ERGIC1: variants seen among roughly 807,000 people sequenced by gnomAD.
The protein encoded by ERGIC1 is endoplasmic reticulum-golgi intermediate compartment 1.
In ERGIC1, 19 loss-of-function variants were observed where a neutral mutation model predicts 38.3. The ratio of observed to expected loss-of-function variants is 0.50; its 90% CI spans 0.35 to 0.73. The LOEUF is 0.73. ERGIC1 is among the 30% of genes least tolerant of loss of function. ERGIC1 has a pLI of 0.01. For synonymous variants in ERGIC1, 124 were observed against 157.6 expected, an observed-to-expected ratio of 0.79 and a Z score of 1.60; for missense variants, 294 against 389.2, an observed-to-expected ratio of 0.76 and a Z score of 2.06.
At chr5:172,839,524 A>G (rs1354279205) in intron 1 of ERGIC1, among the ~76,000 whole-genome samples, 1 of 152,016 alleles carries the variant, frequency 6.6e-6, no homozygotes, top group African/African-American at 2.4e-5. Flanking sequence ...TGTTCATGCC[A>G]TTGCATTCCA....
At chr5:172,915,531 A>G (rs1763339937) in intron 5 of ERGIC1, 1 of 467,036 alleles carries the variant, frequency 2.1e-6, no homozygotes, top group African/African-American at 2.0e-5. Flanking sequence ...CAGGAGCTTC[A>G]GATCCTAAGT....
At chr5:172,845,040 A>G (rs1015709564) in intron 1 of ERGIC1, among the ~76,000 whole-genome samples, 39 of 34,312 alleles carry the variant, frequency 1.1e-3, no homozygotes, top group Admixed American at 5.3e-3. Context: ...ACGCAGGGGT[A>G]TATAGGGGGG....
At chr5:172,907,051 C>T (rs1396665533) in intron 3 of ERGIC1, among the ~76,000 whole-genome samples, 4 of 152,216 alleles carry the variant, frequency 2.6e-5, no homozygotes, top group Admixed American at 1.3e-4. Context: ...CACCCTCCTC[C>T]GCCCAGTCCC....
intron 1 of ERGIC1, among the ~76,000 whole-genome samples, chr5:172,876,473 A>G (rs966512011): frequency 1.3e-5 from 2 of 152,224 alleles, no homozygotes; most frequent in African/African-American, 4.8e-5. Flanking sequence ...AAGGTGTCCA[A>G]CAAGGCTTGT....
chr5:172,875,425 G>A (rs1762120235), intron 1 of ERGIC1, among the ~76,000 whole-genome samples: 1 of 152,144 alleles, frequency 6.6e-6, no homozygotes, highest in African/African-American at 2.4e-5. Context: ...CCGGTGATGT[G>A]TGACCCTTTG....
At chr5:172,914,679 G>C in intron 4 of ERGIC1, 35 bp from the exon 5 acceptor site, 1 of 1,613,816 alleles carries the variant, frequency 6.2e-7, no homozygotes, top group Non-Finnish European at 8.5e-7. Flanking sequence ...CGCGTCTCTG[G>C]GTTTGTGACT....
In ERGIC1 at chr5:172,845,428, G is replaced by A. The variant is rs551757527; in HGVS notation, c.20+10995G>A. On this transcript the variant is annotated intron_variant, in intron 1 of 9. Transcript: ENST00000393784. ...AGCGGGCAGGGCTGGTCCTCTTGCC[G>A]GAGGATGCTCTGGCCAGTCCCCAGG... is the stretch of plus-strand genomic sequence containing the variant. 5.3e-5 allele frequency among the ~76,000 whole-genome samples: 8 copies of A among 152,300 alleles called. No homozygotes were observed. In the South Asian group the frequency reaches 6.2e-4, roughly 12 times the overall value.
At chr5:172,848,237 A>G (rs1372779348) in intron 1 of ERGIC1, among the ~76,000 whole-genome samples, 1 of 152,200 alleles carries the variant, frequency 6.6e-6, no homozygotes, top group African/African-American at 2.4e-5. Flanking sequence ...AACAAGACAG[A>G]CACTGTTTCC....
At position 172,834,571 on chromosome 5, in the gene ERGIC1, C is replaced by A. The variant is rs1277814911; in HGVS notation, c.20+138C>A. 1.3e-5 allele frequency: 10 copies of A among 784,754 alleles called. No individual in the cohort carries two copies. The highest frequency in any genetic ancestry group is 4.8e-5 in the African/African-American group (2 of 41,486). 48.6% of individuals were successfully genotyped at this position (784,754 alleles called of 1,614,324 possible). ...CATGCCTCCGCAGGCCCCTAGGGAC[C>A]CCAGGCGAGCCCCCCCCCTGCCGCA... On this transcript the variant is annotated intron_variant, in intron 1 of 9. Transcript: ENST00000393784. This position sits in a 1 kb window ranked among gnomAD's most constrained non-coding sequence, Gnocchi z 4.1.
intron 1 of ERGIC1, among the ~76,000 whole-genome samples, chr5:172,840,974 G>A (rs1156611852): frequency 2.0e-5 from 3 of 152,210 alleles, no homozygotes; most frequent in Non-Finnish European, 4.4e-5. Context: ...GGCACTGAGC[G>A]AACCAGAGTT....
chr5:172,904,725 C>T (rs930589813), intron 3 of ERGIC1, among the ~76,000 whole-genome samples: 1 of 152,250 alleles, frequency 6.6e-6, no homozygotes, highest in Admixed American at 6.5e-5. Flanking sequence ...TGGGTGAGCT[C>T]GTGGCGCTGG....
chr5:172,923,912 C>A, intron 5 of ERGIC1, 93 bp from the exon 6 acceptor site: 1 of 1,118,832 alleles, frequency 8.9e-7, no homozygotes, highest in South Asian at 1.3e-5. Flanking sequence ...TGCCTGATTC[C>A]AGTGTCCTCC....
Position 172,834,476 on chromosome 5 carries a change from G to A in ERGIC1, c.20+43G>A, listed in dbSNP as rs1012553787. ...GGCCAGTCGGGAGTTCCCTCAGCGG[G>A]CAGAGGGAGCGCCCCGGCACGCCGC... On this transcript the variant is annotated intron_variant, in intron 1 of 9. Transcript: ENST00000393784. The surrounding 1 kb of genome is among the most constrained non-coding windows in gnomAD (Gnocchi z 4.1). The A allele has an allele frequency of 7.7e-7, 1 of 1,294,354 alleles. No homozygotes were observed. Among genetic ancestry groups the A allele is most frequent in the Non-Finnish European group, 9.8e-7 (1 of 1,018,360 alleles). 80.2% of individuals were successfully genotyped at this position (1,294,354 alleles called of 1,614,324 possible).
chr5:172,839,981 T>C (rs986712061), intron 1 of ERGIC1, among the ~76,000 whole-genome samples: 9 of 152,222 alleles, frequency 5.9e-5, no homozygotes, highest in African/African-American at 1.9e-4. Flanking sequence ...CTCTTCTAAT[T>C]GGATTCATTG....
rs751972665 is a variant in ERGIC1, at chr5:172,888,810, T to C, written c.82+50T>C. 93 of 1,491,444 alleles carry C rather than the reference T, an allele frequency of 6.2e-5. 1 individual carries two copies. The highest frequency in any genetic ancestry group is 8.4e-5 in the Non-Finnish European group (90 of 1,068,212). 92.4% of individuals were successfully genotyped at this position (1,491,444 alleles called of 1,614,324 possible). On this transcript the variant is annotated intron_variant, in intron 2 of 9. Transcript: ENST00000393784. ...CCCTCTGCCCCATCTCCACTGCCTG[T>C]GCCTGCTCTCTCTGTGCAGATCATC...
chr5:172,904,788 C>G (rs901935398), intron 3 of ERGIC1, among the ~76,000 whole-genome samples: 1 of 152,076 alleles, frequency 6.6e-6, no homozygotes, highest in East Asian at 1.9e-4. Flanking sequence ...GACACGAAGG[C>G]GAAGGCGGCT....
chr5:172,909,118 C>G (rs114191113), intron 3 of ERGIC1, among the ~76,000 whole-genome samples: 1 of 151,536 alleles, frequency 6.6e-6, no homozygotes, highest in African/African-American at 2.4e-5. Flanking sequence ...CTCTTACCAC[C>G]GTGCTATCTG....
intron 1 of ERGIC1, among the ~76,000 whole-genome samples, chr5:172,879,150 G>A (rs1028275815): frequency 2.6e-5 from 4 of 152,240 alleles, no homozygotes; most frequent in African/African-American, 9.6e-5. Context: ...AAGAACAGGG[G>A]AGAACTAAGG....
chr5:172,839,261 G>GTATATA (rs10659079), intron 1 of ERGIC1, among the ~76,000 whole-genome samples: 6 of 137,530 alleles, frequency 4.4e-5, no homozygotes, highest in Admixed American at 1.5e-4. Flanking sequence ...AAAAAAAAAA[G>GTATATA]TATATATATA....
Sources: allele counts gnomAD v4.1 joint callset (sites outside exome capture counted in the v4.1 genomes callset), GRCh38; gene constraint gnomAD v4.1.1; non-coding constraint Gnocchi (gnomAD v3.1); transcripts MANE v1.5; gene names NCBI Gene and HGNC (gene_info 2026-07-23, HGNC 2026-07-21).